The following LRP1B variants were observed in gnomAD, a reference collection of about 807,000 sequenced individuals.
LRP1B encodes the protein LDL receptor related protein 1B, also known as low-density lipoprotein receptor-related protein 1B.
Under a neutral mutation model 556.6 loss-of-function variants are expected in LRP1B, and 217 were observed. The observed-to-expected ratio is 0.39, with a 90% confidence interval of 0.35 to 0.44. The LOEUF (loss-of-function observed/expected upper bound fraction) is 0.44, where lower values mean the gene tolerates loss of function less well. LRP1B is among the 20% of genes least tolerant of loss of function. LRP1B has a pLI of 1.00. For synonymous variants in LRP1B, 2,047 were observed against 1,865.8 expected (o/e 1.10, Z -2.50); for missense variants, 5,053 against 5,620.8 (o/e 0.90, Z 3.23).
intron 3 of LRP1B, among the ~76,000 whole-genome samples, chr2:141,378,595 GT>G (rs1329282684): frequency 2.0e-5 from 3 of 152,126 alleles, no homozygotes; most frequent in Non-Finnish European, 4.4e-5. Context: ...CAGCCCAGGA[GT>G]TTGAGGCTAC....
intron 1 of LRP1B, among the ~76,000 whole-genome samples, chr2:141,987,387 A>G (rs1484543872): frequency 6.6e-6 from 1 of 151,888 alleles, no homozygotes; most frequent in African/African-American, 2.4e-5. Context: ...TGAAGTAGAG[A>G]GTACCTTCTA....
At chr2:140,676,379 T>A (rs1685671967) in intron 41 of LRP1B, among the ~76,000 whole-genome samples, 3 of 152,330 alleles carry the variant, frequency 2.0e-5, no homozygotes, top group Non-Finnish European at 1.5e-5. Flanking sequence ...ATTTCTTGGA[T>A]AATCCCGCTG....
intron 11 of LRP1B, among the ~76,000 whole-genome samples, chr2:141,038,986 TTC>T (rs1464652518): frequency 2.0e-5 from 3 of 152,032 alleles, no homozygotes; most frequent in African/African-American, 7.2e-5. Context: ...TGGTTTCACC[TTC>T]CGTGGTTTCA....
intron 21 of LRP1B, among the ~76,000 whole-genome samples, chr2:140,915,528 C>A (rs1449543122): frequency 6.6e-6 from 1 of 151,780 alleles, no homozygotes; most frequent in African/African-American, 2.4e-5. Context: ...GTGATGCATG[C>A]CTATAATCCC....
chr2:140,714,394 G>A (rs1474983691), intron 37 of LRP1B, among the ~76,000 whole-genome samples: 1 of 152,102 alleles, frequency 6.6e-6, no homozygotes, highest in African/African-American at 2.4e-5. Context: ...AGGCTAAGAT[G>A]GATGTGGAGA....
chr2:140,974,205 G>C (rs1310707442), intron 18 of LRP1B, among the ~76,000 whole-genome samples: 1 of 152,130 alleles, frequency 6.6e-6, no homozygotes, highest in African/African-American at 2.4e-5. Flanking sequence ...TTCTGACATT[G>C]CTTACTGCCC....
chr2:141,545,270 G>C (rs1424418373), intron 2 of LRP1B, among the ~76,000 whole-genome samples: 3 of 152,126 alleles, frequency 2.0e-5, no homozygotes, highest in Non-Finnish European at 2.9e-5. Context: ...AATCTTCTCT[G>C]TCTCATGACT....
chr2:140,257,136 T>C (rs1213596941), intron 86 of LRP1B, among the ~76,000 whole-genome samples: 1 of 152,150 alleles, frequency 6.6e-6, no homozygotes, highest in Non-Finnish European at 1.5e-5. Context: ...AGGAATTGTA[T>C]AAAGTTAATT....
intron 49 of LRP1B, among the ~76,000 whole-genome samples, chr2:140,520,603 AT>A (rs539667226): frequency 5.9e-5 from 9 of 151,594 alleles, no homozygotes; most frequent in South Asian, 2.1e-4. Context: ...TTAAAGTATA[AT>A]TTTTTTTGGT....
chr2:140,838,585 G>T (rs1044689831), intron 31 of LRP1B, among the ~76,000 whole-genome samples: 2 of 152,042 alleles, frequency 1.3e-5, no homozygotes, highest in Admixed American at 6.6e-5. Flanking sequence ...ACTTCAAGTA[G>T]CCCTAAATTT....
chr2:141,291,616 G>C lies in LRP1B; in HGVS notation c.344-36975C>G, dbSNP rs924684973. On this transcript the variant is annotated intron_variant, in intron 3 of 90. Coordinates refer to ENST00000389484, the MANE Select transcript of LRP1B (RefSeq NM_018557.3). ...TCACGCCTGTAATCCCAGCACTTTGGGAGGCCGAGGCAGGCGGATCACGAG... is the reference window on the plus strand; with the variant it reads ...TCACGCCTGTAATCCCAGCACTTTGCGAGGCCGAGGCAGGCGGATCACGAG... Among the ~76,000 whole-genome samples, 61 of 152,090 alleles carry C rather than the reference G, an allele frequency of 4.0e-4. No individual in the cohort carries two copies. In the Middle Eastern group the frequency reaches 0.01, roughly 25 times the overall value.
intron 7 of LRP1B, among the ~76,000 whole-genome samples, chr2:141,175,294 G>A (rs1461779848): frequency 2.0e-5 from 3 of 152,118 alleles, no homozygotes; most frequent in Admixed American, 6.5e-5. Flanking sequence ...GTAAAGAGGA[G>A]CTGAATATTA....
chr2:141,529,258 T>C (rs578227796), intron 2 of LRP1B, among the ~76,000 whole-genome samples: 1 of 152,198 alleles, frequency 6.6e-6, no homozygotes, highest in Non-Finnish European at 1.5e-5. Flanking sequence ...TTTCTAAATA[T>C]AGAAAATGGT....
intron 27 of LRP1B, among the ~76,000 whole-genome samples, chr2:140,859,610 T>C (rs1192758543): frequency 6.6e-6 from 1 of 152,198 alleles, no homozygotes; most frequent in Non-Finnish European, 1.5e-5. Flanking sequence ...AAAGAAATAA[T>C]TTATTTTATT....
chr2:141,389,538 T>C (rs1035071007), intron 3 of LRP1B, among the ~76,000 whole-genome samples: 1 of 152,126 alleles, frequency 6.6e-6, no homozygotes, highest in Admixed American at 6.6e-5. Context: ...CATGAACGAA[T>C]ATTCATTAAT....
chr2:141,023,731 A>T (rs538870449), intron 11 of LRP1B, among the ~76,000 whole-genome samples: 1 of 152,158 alleles, frequency 6.6e-6, no homozygotes, highest in Admixed American at 6.6e-5. Context: ...ACCTCCAGAA[A>T]TGATCCATAG....
intron 47 of LRP1B, among the ~76,000 whole-genome samples, chr2:140,529,994 A>G (rs1323899024): frequency 1.3e-5 from 2 of 152,038 alleles, no homozygotes; most frequent in African/African-American, 4.8e-5. Context: ...CCAAAAAGAG[A>G]AGAAACCAAA....
At chr2:142,056,701 A>G (rs1053274681) in intron 1 of LRP1B, among the ~76,000 whole-genome samples, 29 of 152,180 alleles carry the variant, frequency 1.9e-4, no homozygotes, top group African/African-American at 6.7e-4. Flanking sequence ...TCCTTGCCAT[A>G]GTCTTAGGGC....
intron 15 of LRP1B, among the ~76,000 whole-genome samples, chr2:141,003,544 C>T (rs1408790181): frequency 6.6e-6 from 1 of 151,980 alleles, no homozygotes; most frequent in African/African-American, 2.4e-5. Context: ...GAATAAGACT[C>T]ATGAGATCTG....
Sources: allele counts gnomAD v4.1 joint callset (sites outside exome capture counted in the v4.1 genomes callset), GRCh38; gene constraint gnomAD v4.1.1; transcripts MANE v1.5; gene names NCBI Gene and HGNC (gene_info 2026-07-23, HGNC 2026-07-21).